DCAF13: variants seen among roughly 807,000 people sequenced by gnomAD.
DCAF13 encodes the protein DDB1- and CUL4-associated factor 13.
A neutral mutation model predicts 59.0 loss-of-function variants in DCAF13; 38 were observed. That is an observed-to-expected ratio of 0.64 (90% CI 0.50 to 0.84). The LOEUF (loss-of-function observed/expected upper bound fraction) is 0.84. Ranked by LOEUF, DCAF13 falls within the 40% of genes least tolerant of loss-of-function variation. The probability of loss-of-function intolerance (pLI) is 0.00; values close to 1 mark genes in which losing one functional copy is unlikely to be tolerated. For missense variants in DCAF13, 469 were observed against 558.4 expected (o/e 0.84, Z 1.61); for synonymous variants, 173 against 175.0 (o/e 0.99, Z 0.09).
chr8:103,416,445 C>T (rs1281911113), intron 1 of DCAF13, among the ~76,000 whole-genome samples: 1 of 152,236 alleles, frequency 6.6e-6, no homozygotes, highest in Non-Finnish European at 1.5e-5. Flanking sequence ...TAGTCAGTCA[C>T]TACGTTTCCC....
At chr8:103,439,318 T>C (rs1477424782) in intron 8 of DCAF13, among the ~76,000 whole-genome samples, 1 of 150,428 alleles carries the variant, frequency 6.6e-6, no homozygotes, top group African/African-American at 2.4e-5. Context: ...CCTCAACTTA[T>C]CAGACACTTC....
At chr8:103,441,287 G>A (rs1353244392) in intron 9 of DCAF13, 168 bp from the exon 10 acceptor site, 4 of 551,296 alleles carry the variant, frequency 7.3e-6, no homozygotes, top group African/African-American at 4.0e-5. Context: ...TTCAGTGCTT[G>A]CAGAGCTAGT....
intron 1 of DCAF13, among the ~76,000 whole-genome samples, chr8:103,419,463 A>T (rs1816692413): frequency 1.3e-5 from 2 of 152,240 alleles, no homozygotes; most frequent in African/African-American, 4.8e-5. Context: ...GTAAACAAAC[A>T]TAGAAAGTGC....
chr8:103,438,283 T>G (rs1415084754), intron 8 of DCAF13, among the ~76,000 whole-genome samples: 1 of 152,246 alleles, frequency 6.6e-6, no homozygotes, highest in African/African-American at 2.4e-5. Flanking sequence ...CTATCTCATC[T>G]AGTTTTCATT....
intron 3 of DCAF13, among the ~76,000 whole-genome samples, chr8:103,425,096 G>A (rs1042111443): frequency 1.3e-5 from 2 of 152,132 alleles, no homozygotes; most frequent in Admixed American, 1.3e-4. Flanking sequence ...TTTGCTGTAA[G>A]AAAAGAGCTA....
At chr8:103,425,974 A>C in intron 3 of DCAF13, 82 bp from the exon 4 acceptor site, 1 of 909,016 alleles carries the variant, frequency 1.1e-6, no homozygotes, top group Non-Finnish European at 1.8e-6. Flanking sequence ...TTTAAACAAG[A>C]TACTTATTTG....
intron 8 of DCAF13, among the ~76,000 whole-genome samples, chr8:103,436,338 A>G (rs949781392): frequency 6.6e-6 from 1 of 152,200 alleles, no homozygotes; most frequent in African/African-American, 2.4e-5. Flanking sequence ...AAAAAGAAAT[A>G]AAAGTAAGTT....
chr8:103,417,598 C>T (rs1295826216), intron 1 of DCAF13, among the ~76,000 whole-genome samples: 4 of 144,176 alleles, frequency 2.8e-5, no homozygotes, highest in Non-Finnish European at 6.0e-5. Context: ...GCCGAGATTG[C>T]GTCACTGCAC....
rs781458367 is a variant in DCAF13 at position 103,435,622 on chromosome 8, A to G, written c.786-4A>G. The G allele has an allele frequency of 2.8e-5, 43 of 1,519,740 alleles. No individual in the cohort carries two copies. The highest frequency in any genetic ancestry group is 3.8e-5 in the Non-Finnish European group (43 of 1,133,204). The allele number at this position is 1,519,740 out of a possible 1,614,324, so 94.1% of individuals were successfully genotyped here. A position where few individuals can be genotyped will look rare whatever the true frequency, so the allele number is the denominator to read the frequency against. On this transcript the variant is annotated splice_polypyrimidine_tract_variant and splice_region_variant and intron_variant, in intron 7 of 10. Transcript: ENST00000612750. ...GTGTCAAATATTTAAAAATTCTTTT[A>G]CAGCTTATATACTTTTGATATGCGT...
intron 8 of DCAF13, among the ~76,000 whole-genome samples, chr8:103,438,527 C>G (rs1427538976): frequency 1.3e-5 from 2 of 151,646 alleles, no homozygotes; most frequent in Admixed American, 1.3e-4. Context: ...TCTAGTGATC[C>G]TCCTACCTCA....
intron 3 of DCAF13, among the ~76,000 whole-genome samples, chr8:103,425,554 A>G (rs59753511): frequency 0.013 from 1,961 of 152,156 alleles, 36 homozygotes; most frequent in African/African-American, 0.044. Flanking sequence ...TTTGAAAACC[A>G]CTGACTTAGT....
At chr8:103,425,225 G>A (rs1586128675) in intron 3 of DCAF13, among the ~76,000 whole-genome samples, 1 of 152,186 alleles carries the variant, frequency 6.6e-6, no homozygotes. Context: ...AGTTTTGTAT[G>A]TATGCAGTTA....
Position 103,415,432 on chromosome 8 carries a change from G to A in DCAF13, c.-15G>A. The A allele has an allele frequency of 6.2e-7, 1 of 1,614,160 alleles. No homozygotes were observed. Among genetic ancestry groups the A allele is most frequent in the Non-Finnish European group, 8.5e-7 (1 of 1,180,028 alleles). ...AGCGGACACCTCGTGGAGTCCGGCC[G>A]GAAGAGCAACCGAGATGAAGGTGAA... On this transcript the variant is annotated 5_prime_UTR_variant, in exon 1 of 11. Coordinates refer to ENST00000612750, the MANE Select transcript of DCAF13 (RefSeq NM_015420.7).
At chr8:103,435,154 C>T (rs1318357441) in intron 7 of DCAF13, among the ~76,000 whole-genome samples, 4 of 151,922 alleles carry the variant, frequency 2.6e-5, no homozygotes, top group African/African-American at 9.7e-5. Context: ...TATATACAGC[C>T]ATTAAAATAT....
intron 8 of DCAF13, among the ~76,000 whole-genome samples, chr8:103,436,625 A>G (rs1222931942): frequency 2.6e-5 from 4 of 152,282 alleles, no homozygotes; most frequent in Non-Finnish European, 2.9e-5. Context: ...ACAGAAAGTG[A>G]TGGCATTTTA....
chr8:103,429,429 C>T (rs1816832733), intron 5 of DCAF13: 1 of 152,214 alleles, frequency 6.6e-6, no homozygotes, highest in African/African-American at 2.4e-5. Context: ...AATAGCTCTT[C>T]TTGCTGCCCA....
chr8:103,436,845 C>T (rs1816940915), intron 8 of DCAF13, among the ~76,000 whole-genome samples: 1 of 152,042 alleles, frequency 6.6e-6, no homozygotes, highest in Non-Finnish European at 1.5e-5. Flanking sequence ...TAATTTTTCT[C>T]AAAAAATTAT....
intron 3 of DCAF13, among the ~76,000 whole-genome samples, chr8:103,421,821 T>G (rs1816726610): frequency 6.6e-6 from 1 of 152,256 alleles, no homozygotes; most frequent in African/African-American, 2.4e-5. Context: ...TATGGCTAAA[T>G]AACATTCCAT....
In DCAF13 at chr8:103,435,698, T is replaced by A; in HGVS notation, c.858T>A (p.Leu286=). ...ATATGGATCATGTATCTGCAGTGCT[T>A]GATGTGGATTACTCTCCCACTGGGA... The part of the protein sequence containing the change: ...MVHMDHVSAV[L]DVDYSPTGKE... Residue 286 remains leucine, a synonymous_variant, in exon 8 of 11, where the codon CTT becomes CTA. Transcript: ENST00000612750. The A allele has an allele frequency of 6.2e-7, 1 of 1,613,450 alleles. No homozygotes were observed. Among genetic ancestry groups the A allele is most frequent in the Non-Finnish European group, 8.5e-7 (1 of 1,179,590 alleles).
Sources: allele counts gnomAD v4.1 joint callset (sites outside exome capture counted in the v4.1 genomes callset), GRCh38; gene constraint gnomAD v4.1.1; transcripts MANE v1.5; gene names NCBI Gene and HGNC (gene_info 2026-07-23, HGNC 2026-07-21).